SYNRG: variants seen among roughly 807,000 people sequenced by gnomAD.
SYNRG encodes the protein AP1 gamma subunit binding protein 1.
SYNRG carries 37 observed loss-of-function variants against 130.9 expected under a neutral mutation model. That is an observed-to-expected ratio of 0.28 (90% CI 0.22 to 0.37). SYNRG has a LOEUF of 0.37. Ranked by LOEUF, SYNRG falls within the 10% of genes least tolerant of loss-of-function variation. The pLI is 1.00. For missense variants in SYNRG, 1,338 were observed against 1,588.9 expected (o/e 0.84, Z 2.68); for synonymous variants, 539 against 568.1 (o/e 0.95, Z 0.73).
At chr17:37,583,190 C>T (rs1318931415) in intron 6 of SYNRG, among the ~76,000 whole-genome samples, 1 of 152,042 alleles carries the variant, frequency 6.6e-6, no homozygotes, top group Admixed American at 6.6e-5. Flanking sequence ...TGGGGTTTCA[C>T]CATGTTGGCC....
intron 13 of SYNRG, among the ~76,000 whole-genome samples, chr17:37,557,955 T>C (rs2059242545): frequency 6.6e-6 from 1 of 152,238 alleles, no homozygotes; most frequent in Admixed American, 6.5e-5. Context: ...TTATGGTCAT[T>C]AATACCATAT....
chr17:37,535,652 G>A (rs1377070634), intron 19 of SYNRG, among the ~76,000 whole-genome samples: 1 of 152,226 alleles, frequency 6.6e-6, no homozygotes, highest in African/African-American at 2.4e-5. Flanking sequence ...CACGTATGGG[G>A]ACATAAATAA....
chr17:37,587,887 T>C (rs1396835680), intron 3 of SYNRG, among the ~76,000 whole-genome samples: 3 of 152,204 alleles, frequency 2.0e-5, no homozygotes, highest in African/African-American at 7.2e-5. Flanking sequence ...ATCCCGACAC[T>C]TGACCACCAC....
At chr17:37,525,775 G>C (rs978225849) in intron 19 of SYNRG, among the ~76,000 whole-genome samples, 1 of 152,242 alleles carries the variant, frequency 6.6e-6, no homozygotes, top group African/African-American at 2.4e-5. Flanking sequence ...AGACCAGCCT[G>C]GCCAACATGG....
intron 11 of SYNRG, among the ~76,000 whole-genome samples, chr17:37,566,097 A>C (rs1342149762): frequency 2.0e-5 from 3 of 151,918 alleles, no homozygotes; most frequent in East Asian, 1.9e-4. Context: ...GGAAGTGAGG[A>C]GCCCCTCTGC....
intron 3 of SYNRG, among the ~76,000 whole-genome samples, chr17:37,587,735 C>T (rs887859767): frequency 6.6e-6 from 1 of 152,216 alleles, no homozygotes; most frequent in African/African-American, 2.4e-5. Flanking sequence ...GGTAACTCAC[C>T]TAACACTGTG....
chr17:37,561,045 C>A, intron 13 of SYNRG, 150 bp downstream of exon 13: 1 of 684,316 alleles, frequency 1.5e-6, no homozygotes, highest in Non-Finnish European at 2.6e-6. Context: ...CACTACTATA[C>A]CATATTGTTT....
intron 1 of SYNRG, among the ~76,000 whole-genome samples, chr17:37,604,241 A>C (rs1407451812): frequency 8.5e-5 from 1 of 11,750 alleles, no homozygotes; most frequent in East Asian, 5.4e-3. Flanking sequence ...CTCTGTCTAT[A>C]AAAAAAAAAA....
intron 6 of SYNRG, among the ~76,000 whole-genome samples, chr17:37,583,536 G>A (rs556818793): frequency 6.6e-5 from 10 of 152,062 alleles, no homozygotes; most frequent in Non-Finnish European, 1.2e-4. Context: ...ACCCATGAAA[G>A]GTACTATAAT....
At chr17:37,588,182 A>C (rs1223231184) in intron 3 of SYNRG, among the ~76,000 whole-genome samples, 1 of 152,022 alleles carries the variant, frequency 6.6e-6, no homozygotes, top group Non-Finnish European at 1.5e-5. Flanking sequence ...AGAATCAACT[A>C]ATCGACTTCT....
chr17:37,523,978 C>T (rs2055493955), intron 19 of SYNRG, among the ~76,000 whole-genome samples: 2 of 152,182 alleles, frequency 1.3e-5, no homozygotes, highest in African/African-American at 4.8e-5. Flanking sequence ...GGGAGGGTCG[C>T]CAATCTGGAC....
intron 19 of SYNRG, 130 bp from the exon 20 acceptor site, chr17:37,520,778 T>C: frequency 1.4e-6 from 1 of 713,808 alleles, no homozygotes; most frequent in Admixed American, 2.2e-5. Context: ...CTACAAGAAT[T>C]AACCTCCCAC....
chr17:37,553,652 A>G lies in SYNRG; in HGVS notation c.2071T>C (p.Phe691Leu). Residue 691 changes from phenylalanine to leucine, a missense_variant, in exon 14 of 22, where the codon TTT becomes CTT. Phe to Leu is a conservative substitution (Grantham distance 22). Around this residue, in one of 3 missense-constraint regions of SYNRG, gnomAD observed 1,146 missense variants for 1,342.3 expected, o/e 0.85. Transcript: ENST00000612223. ...GLAPVGEQDD[F>L]ADFMAFSNSS... ...TTACTGAAAGCCATAAAATCTGCAAAGTCATCCTGCTCCCCAACAGGTGCT... is the reference window on the plus strand; with the variant it reads ...TTACTGAAAGCCATAAAATCTGCAAGGTCATCCTGCTCCCCAACAGGTGCT... The G allele has an allele frequency of 1.2e-6, 2 of 1,613,998 alleles. No homozygotes were observed. Among genetic ancestry groups the G allele is most frequent in the East Asian group, 4.5e-5 (2 of 44,886 alleles).
rs977092264 is a variant in SYNRG, at chr17:37,575,305, T to C, written c.901+1036A>G. Among the ~76,000 whole-genome samples, 10 of 152,216 alleles carry C rather than the reference T, an allele frequency of 6.6e-5. No homozygotes were observed. In the South Asian group the frequency reaches 1.0e-3, roughly 16 times the overall value. On this transcript the variant is annotated intron_variant, in intron 8 of 21. Transcript: ENST00000612223. ...ACTTAAAATAACTTACAGAGTATAA[T>C]TGGAATGTTCATAACACAAAGAAGT...
rs142229788 is a variant in SYNRG, at chr17:37,547,935, C to T, written c.2608+5180G>A. Among the ~76,000 whole-genome samples, 5 of 152,304 alleles carry T rather than the reference C, an allele frequency of 3.3e-5. No individual in the cohort carries two copies. In the East Asian group the frequency reaches 7.7e-4, roughly 23 times the overall value. On this transcript the variant is annotated intron_variant, in intron 14 of 21. Transcript: ENST00000612223. ...AACAGTATTTTGTTTAAACCTATAG[C>T]ATAGAATTCTTCAAGTCTTTTTCGC...
intron 1 of SYNRG, among the ~76,000 whole-genome samples, chr17:37,608,249 C>T (rs1339176940): frequency 3.3e-5 from 5 of 152,180 alleles, no homozygotes; most frequent in African/African-American, 1.2e-4. Context: ...ACTTTAAGGT[C>T]CTTACACTTT....
intron 8 of SYNRG, among the ~76,000 whole-genome samples, chr17:37,573,287 C>CA (rs756349575): frequency 2.0e-5 from 3 of 152,054 alleles, no homozygotes; most frequent in East Asian, 1.9e-4. Flanking sequence ...CCTGTAGCCC[C>CA]AGCTACTCAG....
chr17:37,536,110 T>C lies in SYNRG; in HGVS notation c.3535A>G (p.Arg1179Gly). Residue 1179 changes from arginine (R) to glycine (G), a missense_variant, in exon 19 of 22, where the codon AGG (arginine) becomes GGG (glycine). Around this residue, in one of 3 missense-constraint regions of SYNRG, gnomAD observed 1,146 missense variants for 1,342.3 expected, o/e 0.85. Coordinates refer to ENST00000612223, the MANE Select transcript of SYNRG (RefSeq NM_007247.6). ...EYLLGVVEVYRVTKRVELGIK... is the reference protein window; with the variant it reads ...EYLLGVVEVYGVTKRVELGIK... ...CCCAGCTCCACACGCTTGGTTACCC[T>C]GTACACTTCAACAACACCTGACGGG... The C allele has an allele frequency of 1.9e-6, 3 of 1,612,080 alleles. No individual in the cohort carries two copies. Among genetic ancestry groups the C allele is most frequent in the Non-Finnish European group, 2.5e-6 (3 of 1,179,152 alleles).
At chr17:37,607,826 G>A (rs996107509) in intron 1 of SYNRG, among the ~76,000 whole-genome samples, 2 of 151,700 alleles carry the variant, frequency 1.3e-5, no homozygotes, top group African/African-American at 2.4e-5. Flanking sequence ...GCATGGTGGC[G>A]CGCACCTGTA....
Sources: allele counts gnomAD v4.1 joint callset (sites outside exome capture counted in the v4.1 genomes callset), GRCh38; gene constraint gnomAD v4.1.1; regional missense constraint gnomAD v4.1.1; transcripts MANE v1.5; gene names NCBI Gene and HGNC (gene_info 2026-07-23, HGNC 2026-07-21).